The following RPL15 variants were observed in gnomAD, a reference collection of about 807,000 sequenced individuals.
The protein encoded by RPL15 is ribosomal protein L15, also known as large ribosomal subunit protein eL15.
For synonymous variants in RPL15, 97 were observed against 95.1 expected (o/e 1.02, Z -0.12); for missense variants, 161 against 271.8 (o/e 0.59, Z 2.87).
chr3:23,917,937 C>G lies in RPL15; in HGVS notation c.78C>G (p.Arg26=), dbSNP rs772921805. 4.3e-6 allele frequency: 7 copies of G among 1,613,588 alleles called. No individual in the cohort carries two copies. Among genetic ancestry groups the G allele is most frequent in the Admixed American group, 3.3e-5 (2 of 59,986 alleles). The part of the protein sequence containing the change: ...SDVMRFLLRV[R]CWQYRQLSAL... ...TCATGCGCTTTCTTCTGAGGGTCCGCTGCTGGCAGTACCGCCAGCTCTCTG... is the reference window on the plus strand; with the variant it reads ...TCATGCGCTTTCTTCTGAGGGTCCGGTGCTGGCAGTACCGCCAGCTCTCTG... Residue 26 remains arginine (R), a synonymous_variant, in exon 2 of 4, where the codon CGC becomes CGG. Transcript: ENST00000307839.
At chr3:23,921,870 C>A (rs1172670850), downstream of RPL15, 2 of 474,398 alleles carry the variant, frequency 4.2e-6, no homozygotes, top group African/African-American at 4.1e-5. Context: ...CCACCACCCC[C>A]AGCCCAATTT....
chr3:23,919,333 G>A lies in RPL15; in HGVS notation c.447G>A (p.Gln149=), dbSNP rs756131448. The change falls in exon 4 of 4, where the codon CAG becomes CAA. Residue 149 remains glutamine (Q), a synonymous_variant. Transcript: ENST00000307839. ...CTATCAGAAGAAATCCTGACACCCAGTGGATCACCAAACCAGTCCACAAGC... is the reference window on the plus strand; with the variant it reads ...CTATCAGAAGAAATCCTGACACCCAATGGATCACCAAACCAGTCCACAAGC... ...HKAIRRNPDT[Q]WITKPVHKHR... is the part of the protein sequence containing the mutation. 4 of 1,603,214 alleles carry A rather than the reference G, an allele frequency of 2.5e-6. No individual in the cohort carries two copies. The South Asian group carries it at 4.4e-5, about 18-fold the overall frequency.
chr3:23,918,176 G>C, intron 2 of RPL15, 145 bp downstream of exon 2: 1 of 1,069,202 alleles, frequency 9.4e-7, no homozygotes, highest in South Asian at 1.7e-5. Flanking sequence ...GTCAGTTACT[G>C]TATGCACTGT....
chr3:23,917,240 G>C (rs958163924), intron 1 of RPL15, 67 bp downstream of exon 1: 2 of 152,552 alleles, frequency 1.3e-5, no homozygotes, highest in Non-Finnish European at 2.9e-5. Flanking sequence ...AGCCATCCAG[G>C]TCCGGGGACC....
Position 23,917,851 on chromosome 3 carries a change from T to C in RPL15, c.-9T>C. 1.2e-6 allele frequency: 2 copies of C among 1,607,506 alleles called. No individual in the cohort carries two copies. The highest frequency in any genetic ancestry group is 1.7e-6 in the Non-Finnish European group (2 of 1,177,810). On this transcript the variant is annotated splice_region_variant and 5_prime_UTR_variant, in exon 2 of 4. Transcript: ENST00000307839. ...TTAATACACAGTTTGATTTCACAGG[T>C]AAGCCAAGATGGGTGCATACAAGTA...
chr3:23,918,762 A>G lies in RPL15; in HGVS notation c.309+186A>G, dbSNP rs138205939. Reference sequence around the variant, plus strand: ...TTGTCTTTGTTACAAATGCGTGTGTATATACTGGAAGTACTTGTGGAACCT... The same window carrying G: ...TTGTCTTTGTTACAAATGCGTGTGTGTATACTGGAAGTACTTGTGGAACCT... On this transcript the variant is annotated intron_variant, in intron 3 of 3. Coordinates refer to ENST00000307839, the MANE Select transcript of RPL15 (RefSeq NM_002948.5). 7.6e-5 allele frequency: 53 copies of G among 698,902 alleles called. No homozygotes were observed. The African/African-American group carries it at 8.6e-4, about 11-fold the overall frequency. 43.3% of individuals were successfully genotyped at this position (698,902 alleles called of 1,614,324 possible).
rs1705037450 is a variant in RPL15 at position 23,920,805 on chromosome 3, G to A, written c.*1304G>A. On this transcript the variant is annotated 3_prime_UTR_variant, in exon 4 of 4. Coordinates refer to ENST00000307839, the MANE Select transcript of RPL15 (RefSeq NM_002948.5). ...AGTCATACATTTTAATTGTGTAGAG[G>A]TTGTTCAACTGAAGGAATAAATGTC... 1 of 954,276 alleles carries A rather than the reference G, an allele frequency of 1.0e-6. No homozygotes were observed. Among genetic ancestry groups the A allele is most frequent in the Non-Finnish European group, 1.2e-6 (1 of 801,794 alleles). The allele number at this position is 954,276 out of a possible 1,614,324, so 59.1% of individuals were successfully genotyped here.
rs962310899 is a variant in RPL15, at chr3:23,920,435, C to T, written c.*934C>T. 11 of 985,366 alleles carry T rather than the reference C, an allele frequency of 1.1e-5. No individual in the cohort carries two copies. In the South Asian group the frequency reaches 4.2e-4, roughly 38 times the overall value. 61.0% of individuals were successfully genotyped at this position (985,366 alleles called of 1,614,324 possible). A position where few individuals can be genotyped will look rare whatever the true frequency, so the allele number is the denominator to read the frequency against. On this transcript the variant is annotated 3_prime_UTR_variant, in exon 4 of 4. Coordinates refer to ENST00000307839, the MANE Select transcript of RPL15 (RefSeq NM_002948.5). ...ATTTCTCTTGTTCTGGCCAAACAACCCTAAAAATCCTTACCATTCCACAAA... is the reference window on the plus strand; with the variant it reads ...ATTTCTCTTGTTCTGGCCAAACAACTCTAAAAATCCTTACCATTCCACAAA...
intron 3 of RPL15, 105 bp from the exon 4 acceptor site, chr3:23,919,091 A>C: frequency 1.3e-6 from 1 of 748,876 alleles, no homozygotes; most frequent in Non-Finnish European, 2.3e-6. Context: ...GAGTAGTAAA[A>C]GACTCTTGTC....
At chr3:23,918,736 C>T (rs1182993640) in intron 3 of RPL15, 160 bp downstream of exon 3, 9 of 849,670 alleles carry the variant, frequency 1.1e-5, no homozygotes, top group African/African-American at 1.7e-5. Context: ...GCTTGAAAGA[C>T]TTGTCTTTGT....
chr3:23,923,573 T>C (rs973457698), downstream of RPL15: 9 of 152,222 alleles, frequency 5.9e-5, no homozygotes, highest in African/African-American at 2.2e-4. Flanking sequence ...GGATGTACCA[T>C]GATTCATTGG....
chr3:23,924,146 C>CA (rs1375648289), downstream of RPL15: 1 of 152,206 alleles, frequency 6.6e-6, no homozygotes, highest in Non-Finnish European at 1.5e-5. Flanking sequence ...CATCAGACAG[C>CA]ATGAGTGGTA....
chr3:23,919,931 C>T lies in RPL15; in HGVS notation c.*430C>T, dbSNP rs1704979352. On this transcript the variant is annotated 3_prime_UTR_variant, in exon 4 of 4. Coordinates refer to ENST00000307839, the MANE Select transcript of RPL15 (RefSeq NM_002948.5). ...GCAGGTGTAGACTTTTTAAGTTGGG[C>T]TTTAGAAAATCTGGGTTAGCCTGAA... is the stretch of plus-strand genomic sequence containing the variant. 5 of 989,508 alleles carry T rather than the reference C, an allele frequency of 5.1e-6. No individual in the cohort carries two copies. The highest frequency in any genetic ancestry group is 9.3e-5 in the South Asian group (2 of 21,520). The allele number at this position is 989,508 out of a possible 1,614,324, so 61.3% of individuals were successfully genotyped here.
At chr3:23,917,813 A>G (rs781521103) in intron 1 of RPL15, 37 bp from the exon 2 acceptor site, 2 of 1,566,028 alleles carry the variant, frequency 1.3e-6, no homozygotes, top group Non-Finnish European at 8.7e-7. Context: ...ATTGTACTTA[A>G]AGCGGATGAT....
chr3:23,919,545 G>T lies in RPL15; in HGVS notation c.*44G>T. On this transcript the variant is annotated 3_prime_UTR_variant, in exon 4 of 4. Transcript: ENST00000307839. ...AATTCATACTTAATAAACAATTTAGGACAGTCATGTCTGCTTACAGGTGTT... is the reference window on the plus strand; with the variant it reads ...AATTCATACTTAATAAACAATTTAGTACAGTCATGTCTGCTTACAGGTGTT... The T allele has an allele frequency of 6.8e-7, 1 of 1,478,664 alleles. No individual in the cohort carries two copies. Among genetic ancestry groups the T allele is most frequent in the Non-Finnish European group, 8.9e-7 (1 of 1,118,156 alleles). 91.6% of individuals were successfully genotyped at this position (1,478,664 alleles called of 1,614,324 possible).
At chr3:23,921,128 TA>T (rs147620648), downstream of RPL15, among the ~76,000 whole-genome samples, 1,803 of 152,060 alleles carry the variant, frequency 0.012, 16 homozygotes, top group Middle Eastern at 0.034. Context: ...TAGTGAGACC[TA>T]AAAACAAAAA....
chr3:23,920,464 G>C lies in RPL15; in HGVS notation c.*963G>C. On this transcript the variant is annotated 3_prime_UTR_variant, in exon 4 of 4. Transcript: ENST00000307839. ...AAAATCCTTACCATTCCACAAAGTTGGACCATCACTTGTGCACCCACTTTG... is the reference window on the plus strand; with the variant it reads ...AAAATCCTTACCATTCCACAAAGTTCGACCATCACTTGTGCACCCACTTTG... 1.0e-6 allele frequency: 1 copy of C among 985,358 alleles called. No individual in the cohort carries two copies. 61.0% of individuals were successfully genotyped at this position (985,358 alleles called of 1,614,324 possible). A position where few individuals can be genotyped will look rare whatever the true frequency, so the allele number is the denominator to read the frequency against.
rs1705034275 is a variant in RPL15, at chr3:23,920,766, A to G, written c.*1265A>G. The G allele has an allele frequency of 2.1e-6, 2 of 971,346 alleles. No homozygotes were observed. The highest frequency in any genetic ancestry group is 6.2e-5 in the Admixed American group (1 of 16,254). The allele number at this position is 971,346 out of a possible 1,614,324, so 60.2% of individuals were successfully genotyped here. A position where few individuals can be genotyped will look rare whatever the true frequency, so the allele number is the denominator to read the frequency against. On this transcript the variant is annotated 3_prime_UTR_variant, in exon 4 of 4. Transcript: ENST00000307839. ...TGAGACCTAAATTTCTTCACAAAAA[A>G]AGAAAAGATCTTAAGTCATACATTT...
At chr3:23,918,089 C>A in intron 2 of RPL15, 58 bp downstream of exon 2, 1 of 1,566,492 alleles carries the variant, frequency 6.4e-7, no homozygotes, top group Admixed American at 1.9e-5. Flanking sequence ...AAGTTGGAAA[C>A]CAGCTGTTAG....
Sources: gnomAD v4.1 joint callset for allele counts (sites outside exome capture counted in the v4.1 genomes callset) on GRCh38, gnomAD v4.1.1 for gene constraint, MANE v1.5 for transcripts, NCBI Gene and HGNC (gene_info 2026-07-23, HGNC 2026-07-21) for gene names.